RAD51B: variants seen among roughly 807,000 people sequenced by gnomAD.
RAD51B encodes DNA repair protein RAD51 homolog 2.
In RAD51B, 38 loss-of-function variants were observed where a neutral mutation model predicts 42.2. That is an observed-to-expected ratio of 0.90 (90% CI 0.70 to 1.18). The LOEUF (loss-of-function observed/expected upper bound fraction) is 1.18. RAD51B is among the 50% of genes most tolerant of loss of function. The pLI, the probability that RAD51B is intolerant of heterozygous loss-of-function variation, is 0.00. For synonymous variants in RAD51B, 154 were observed against 145.2 expected (o/e 1.06, Z -0.43); for missense variants, 373 against 400.7 (o/e 0.93, Z 0.59).
At chr14:68,350,376 C>T (rs1177892263) in intron 8 of RAD51B, among the ~76,000 whole-genome samples, 1 of 152,186 alleles carries the variant, frequency 6.6e-6, no homozygotes, top group Non-Finnish European at 1.5e-5. Flanking sequence ...TTTTGACTTT[C>T]ATGCTTACTT....
chr14:68,394,272 G>A (rs1053235637), intron 8 of RAD51B, among the ~76,000 whole-genome samples: 1 of 152,182 alleles, frequency 6.6e-6, no homozygotes, highest in African/African-American at 2.4e-5. Flanking sequence ...CATCTGCAGG[G>A]GCTGCTGGGC....
intron 7 of RAD51B, among the ~76,000 whole-genome samples, chr14:68,051,911 T>C (rs1242864818): frequency 1.3e-5 from 2 of 152,000 alleles, no homozygotes; most frequent in Middle Eastern, 3.2e-3. Context: ...AAATGCAGTG[T>C]TTTTAGGAAA....
intron 7 of RAD51B, among the ~76,000 whole-genome samples, chr14:68,095,670 A>G (rs2077179798): frequency 6.6e-6 from 1 of 152,002 alleles, no homozygotes; most frequent in South Asian, 2.1e-4. Flanking sequence ...CAGCCTGCAT[A>G]TTCTAGATAA....
At chr14:68,415,634 AATGAGGCAGAGC>A (rs2084537231) in intron 9 of RAD51B, among the ~76,000 whole-genome samples, 1 of 152,208 alleles carries the variant, frequency 6.6e-6, no homozygotes, top group African/African-American at 2.4e-5. Flanking sequence ...TCTAGCGATG[AATGAGGCAGAGC>A]ATGAGGCAGA....
intron 7 of RAD51B, among the ~76,000 whole-genome samples, chr14:68,193,815 C>G (rs538058944): frequency 7.9e-5 from 12 of 152,182 alleles, no homozygotes; most frequent in African/African-American, 2.9e-4. Flanking sequence ...CGCCTTCAAA[C>G]TTCTTAACCA....
At chr14:67,995,538 T>C (rs2075365961) in intron 7 of RAD51B, among the ~76,000 whole-genome samples, 1 of 152,160 alleles carries the variant, frequency 6.6e-6, no homozygotes, top group Non-Finnish European at 1.5e-5. Flanking sequence ...GTTAGAAATA[T>C]GGATGTCAAC....
chr14:68,564,970 C>T lies in RAD51B; in HGVS notation c.1037-29515C>T, dbSNP rs1889350540. On this transcript the variant is annotated intron_variant, in intron 10 of 10. Coordinates refer to the RAD51B transcript ENST00000487270. The stretch of plus-strand genomic sequence containing the variant: ...GGTTCCCACTGGGTGAACACAGCCT[C>T]TCCCCTCACTGAGCCAGATTCCAGC... Among the ~76,000 whole-genome samples, 5 of 152,386 alleles carry T rather than the reference C, an allele frequency of 3.3e-5. 1 individual carries two copies. In the South Asian group the frequency reaches 1.0e-3, roughly 32 times the overall value.
chr14:68,304,560 GTTTC>G (rs1329676970), intron 8 of RAD51B, among the ~76,000 whole-genome samples: 2 of 152,192 alleles, frequency 1.3e-5, no homozygotes, highest in African/African-American at 4.8e-5. Flanking sequence ...AAGTGCAGCT[GTTTC>G]TTTATGTGTG....
chr14:68,434,721 G>A (rs2145424), intron 9 of RAD51B, among the ~76,000 whole-genome samples: 2 of 152,254 alleles, frequency 1.3e-5, no homozygotes, highest in Admixed American at 1.3e-4. Context: ...CCCTGCTTCA[G>A]CTTATGCTCG....
intron 9 of RAD51B, among the ~76,000 whole-genome samples, chr14:68,435,452 A>G (rs1275758363): frequency 6.7e-6 from 1 of 149,592 alleles, no homozygotes; most frequent in South Asian, 2.1e-4. Context: ...TACTATTGTG[A>G]ATAGTGCTGC....
chr14:68,622,618 C>CATGA (rs1030279500), intron 10 of RAD51B, among the ~76,000 whole-genome samples: 14 of 148,026 alleles, frequency 9.5e-5, no homozygotes, highest in East Asian at 2.0e-4. Flanking sequence ...TCAGTTGTTT[C>CATGA]ATGAATGAAT....
At chr14:67,964,610 T>TTTTTTC (rs2084349169) in intron 7 of RAD51B, among the ~76,000 whole-genome samples, 1 of 152,088 alleles carries the variant, frequency 6.6e-6, no homozygotes, top group South Asian at 2.1e-4. Context: ...AGCAGTGAGG[T>TTTTTTC]TTTTTCTTTT....
intron 7 of RAD51B, among the ~76,000 whole-genome samples, chr14:67,997,636 A>G (rs148638331): frequency 2.0e-5 from 3 of 152,170 alleles, no homozygotes; most frequent in East Asian, 3.9e-4. Context: ...AGATGCTTTT[A>G]CCTGTTTTTT....
At chr14:67,850,747 T>A (rs994584666) in intron 4 of RAD51B, among the ~76,000 whole-genome samples, 4 of 152,144 alleles carry the variant, frequency 2.6e-5, no homozygotes, top group Admixed American at 6.5e-5. Flanking sequence ...CCAACCCTGA[T>A]GAGGGTGGCT....
chr14:67,882,596 T>C (rs181755176), intron 5 of RAD51B, among the ~76,000 whole-genome samples: 2 of 152,298 alleles, frequency 1.3e-5, no homozygotes, highest in Admixed American at 6.5e-5. Context: ...TTTCCTGATA[T>C]GTCCAAAACT....
intron 10 of RAD51B, among the ~76,000 whole-genome samples, chr14:68,529,562 C>T (rs2140345800): frequency 6.6e-6 from 1 of 152,256 alleles, no homozygotes; most frequent in East Asian, 1.9e-4. Flanking sequence ...GCCCAGCAAC[C>T]AGAAGCTAGG....
chr14:68,251,878 G>A (rs180938709), intron 7 of RAD51B, among the ~76,000 whole-genome samples: 27 of 152,306 alleles, frequency 1.8e-4, no homozygotes, highest in Admixed American at 1.4e-3. Flanking sequence ...ACCAGTGTCC[G>A]TTATGACTGA....
chr14:68,501,460 A>G (rs1239273213), intron 10 of RAD51B, among the ~76,000 whole-genome samples: 2 of 152,150 alleles, frequency 1.3e-5, no homozygotes, highest in African/African-American at 4.8e-5. Flanking sequence ...CCAAGGCCCC[A>G]TGGAGCTTTG....
At chr14:68,361,992 G>C (rs1446028529) in intron 8 of RAD51B, among the ~76,000 whole-genome samples, 1 of 152,088 alleles carries the variant, frequency 6.6e-6, no homozygotes, top group Non-Finnish European at 1.5e-5. Context: ...AGTCTTTATA[G>C]TCGCCCCAAA....
Sources: allele counts gnomAD v4.1 joint callset (sites outside exome capture counted in the v4.1 genomes callset), GRCh38; gene constraint gnomAD v4.1.1; transcripts MANE v1.5; gene names NCBI Gene and HGNC (gene_info 2026-07-23, HGNC 2026-07-21).